GFPT2: variants seen among roughly 807,000 people sequenced by gnomAD.
The protein encoded by GFPT2 is glutamine--fructose-6-phosphate aminotransferase [isomerizing] 2.
Under a neutral mutation model 85.6 loss-of-function variants are expected in GFPT2, and 62 were observed. That is an observed-to-expected ratio of 0.72 (90% CI 0.59 to 0.90). GFPT2 has a LOEUF of 0.90. GFPT2 is among the 40% of genes least tolerant of loss of function. The pLI is 0.00. For synonymous variants in GFPT2, 368 were observed against 344.5 expected (o/e 1.07, Z -0.75); for missense variants, 788 against 893.4 (o/e 0.88, Z 1.50).
chr5:180,304,026 C>T (rs1425350934), intron 17 of GFPT2, among the ~76,000 whole-genome samples: 12 of 152,042 alleles, frequency 7.9e-5, no homozygotes, highest in African/African-American at 2.9e-4. Flanking sequence ...ATCACATGGC[C>T]AATGGTTCAC....
At chr5:180,329,331 TGG>T (rs1764265649) in intron 6 of GFPT2, among the ~76,000 whole-genome samples, 4 of 152,204 alleles carry the variant, frequency 2.6e-5, no homozygotes, top group Admixed American at 2.6e-4. Context: ...AGGCAGACCC[TGG>T]TGCTTTTGTC....
chr5:180,325,510 A>G (rs1180142385), intron 7 of GFPT2, among the ~76,000 whole-genome samples: 3 of 152,214 alleles, frequency 2.0e-5, no homozygotes, highest in Non-Finnish European at 2.9e-5. Flanking sequence ...ACCCCGCACC[A>G]GGTAGACTTC....
chr5:180,317,736 G>T (rs1764041716), intron 10 of GFPT2, among the ~76,000 whole-genome samples: 1 of 103,682 alleles, frequency 9.6e-6, no homozygotes, highest in Non-Finnish European at 2.0e-5. Flanking sequence ...TCCAGCCTGG[G>T]CGACAGAGCA....
intron 1 of GFPT2, among the ~76,000 whole-genome samples, chr5:180,350,285 AAG>A (rs1349340299): frequency 6.6e-6 from 1 of 152,200 alleles, no homozygotes; most frequent in African/African-American, 2.4e-5. Context: ...AGATTTTGTC[AAG>A]AGAAGCCAAA....
In GFPT2 at chr5:180,323,972, G is replaced by C. The variant is rs1764165981; in HGVS notation, c.794+216C>G. 6.6e-6 allele frequency among the ~76,000 whole-genome samples: 1 copy of C among 152,224 alleles called. No individual in the cohort carries two copies. The highest frequency in any genetic ancestry group is 1.5e-5 in the Non-Finnish European group (1 of 68,038). ...AGCACTGTGCCCACCAGTGCATCTG[G>C]CCTTTGGCCACCAGGGCTGCCTACC... On this transcript the variant is annotated intron_variant, in intron 9 of 18. Transcript: ENST00000253778. This position sits in a 1 kb window ranked among gnomAD's most constrained non-coding sequence, Gnocchi z 4.0.
chr5:180,315,284 T>G (rs1763983459), intron 13 of GFPT2, among the ~76,000 whole-genome samples: 4 of 152,012 alleles, frequency 2.6e-5, no homozygotes. Context: ...TTCACGCCAT[T>G]CTCCTGCCTC....
At position 180,353,245 on chromosome 5, in the gene GFPT2, G is replaced by A. The variant is rs1764752769; in HGVS notation, c.-28C>T. On this transcript the variant is annotated 5_prime_UTR_variant, in exon 1 of 19. Transcript: ENST00000253778. ...TGGCTGCTTCTCGGGCTCCTTCGCG[G>A]CTCGAGGGGGTCTGCCCGTTCGGAC... The A allele has an allele frequency of 2.4e-6, 3 of 1,240,830 alleles. No individual in the cohort carries two copies. The highest frequency in any genetic ancestry group is 3.0e-6 in the Non-Finnish European group (3 of 988,272). 76.9% of individuals were successfully genotyped at this position (1,240,830 alleles called of 1,614,324 possible). A position where few individuals can be genotyped will look rare whatever the true frequency, so the allele number is the denominator to read the frequency against.
In GFPT2 at chr5:180,318,697, G is replaced by T. The variant is rs796467092; in HGVS notation, c.958+96C>A. The T allele has an allele frequency of 1.5e-4, 158 of 1,044,640 alleles. 1 individual carries two copies. In the African/African-American group the frequency reaches 2.2e-3, roughly 14 times the overall value. 64.7% of individuals were successfully genotyped at this position (1,044,640 alleles called of 1,614,324 possible). On this transcript the variant is annotated intron_variant, in intron 10 of 18. Coordinates refer to ENST00000253778, the MANE Select transcript of GFPT2 (RefSeq NM_005110.4). This position sits in a 1 kb window ranked among gnomAD's most constrained non-coding sequence, Gnocchi z 4.2. ...CCTGGTGGCCACAGAGGGCAGGAGG[G>T]CTGTGGCCTCTACTAGGACCAGGCA... is the stretch of plus-strand genomic sequence containing the variant.
rs1764159641 is a variant in GFPT2, at chr5:180,323,475, G to C, written c.794+713C>G. Among the ~76,000 whole-genome samples, 1 of 152,186 alleles carries C rather than the reference G, an allele frequency of 6.6e-6. No homozygotes were observed. Among genetic ancestry groups the C allele is most frequent in the South Asian group, 2.1e-4 (1 of 4,834 alleles). On this transcript the variant is annotated intron_variant, in intron 9 of 18. Transcript: ENST00000253778. The surrounding 1 kb of genome is among the most constrained non-coding windows in gnomAD (Gnocchi z 4.0). ...CTTTGGGTCTTTGAAGAAGGTACCA[G>C]AGGTGATTACAGCAGTTTTCTACTT...
At chr5:180,345,952 CACAGAGGCTT>C (rs1764599574) in intron 1 of GFPT2, among the ~76,000 whole-genome samples, 1 of 152,122 alleles carries the variant, frequency 6.6e-6, no homozygotes, top group African/African-American at 2.4e-5. Context: ...GATAATCAAA[CACAGAGGCTT>C]ACATCCCCCC....
In GFPT2 at chr5:180,328,111, C is replaced by T. The variant is rs1302729811; in HGVS notation, c.596+166G>A. On this transcript the variant is annotated intron_variant, in intron 7 of 18. Coordinates refer to ENST00000253778, the MANE Select transcript of GFPT2 (RefSeq NM_005110.4). This position sits in a 1 kb window ranked among gnomAD's most constrained non-coding sequence, Gnocchi z 5.4. ...TAATTCAGAAGTGTAGCACCACCAG[C>T]CATGGAGATGGTGGGGCGCGGTCCC... Among the ~76,000 whole-genome samples, 1 of 151,808 alleles carries T rather than the reference C, an allele frequency of 6.6e-6. No individual in the cohort carries two copies. Among genetic ancestry groups the T allele is most frequent in the Admixed American group, 6.6e-5 (1 of 15,250 alleles).
At position 180,302,548 on chromosome 5, in the gene GFPT2, C is replaced by T. The variant is rs1224768050; in HGVS notation, c.1879G>A (p.Glu627Lys). ...PIILCSKDDTESSKFAYKTIE... is the reference protein window; with the variant it reads ...PIILCSKDDTKSSKFAYKTIE... ...GTCTTATACGCAAACTTGGAACTTT[C>T]AGTATCGTCCTTGGAGCACAGTATA... The change falls in exon 18 of 19, where the codon GAA (glutamate) becomes AAA (lysine). Residue 627 changes from glutamate to lysine, a missense_variant. Physicochemically the swap from Glu to Lys is moderately conservative, Grantham distance 56. Coordinates refer to ENST00000253778, the MANE Select transcript of GFPT2 (RefSeq NM_005110.4). 2 of 1,613,856 alleles carry T rather than the reference C, an allele frequency of 1.2e-6. No individual in the cohort carries two copies. The highest frequency in any genetic ancestry group is 1.7e-6 in the Non-Finnish European group (2 of 1,179,886).
intron 1 of GFPT2, among the ~76,000 whole-genome samples, chr5:180,346,703 C>T (rs1561885352): frequency 6.6e-6 from 1 of 152,216 alleles, no homozygotes; most frequent in Non-Finnish European, 1.5e-5. Flanking sequence ...ACATGTGATG[C>T]CTTCTCCAAC....
chr5:180,324,566 A>G, intron 8 of GFPT2: 1 of 588,276 alleles, frequency 1.7e-6, no homozygotes, highest in Non-Finnish European at 3.0e-6. Flanking sequence ...GCCGTTATAC[A>G]ATGGCACTTT....
chr5:180,334,122 G>A (rs922098617), intron 4 of GFPT2, among the ~76,000 whole-genome samples: 4 of 152,204 alleles, frequency 2.6e-5, no homozygotes, highest in African/African-American at 9.6e-5. Flanking sequence ...CCTCAGTCAC[G>A]AAATGCCCTA....
intron 12 of GFPT2, 102 bp from the exon 13 acceptor site, chr5:180,316,563 C>G (rs1232476980): frequency 1.5e-6 from 2 of 1,341,896 alleles, no homozygotes; most frequent in Non-Finnish European, 2.1e-6. Context: ...CGGAACCTCA[C>G]TGTCCAGGTG....
Position 180,318,171 on chromosome 5 carries a change from T to C in GFPT2, c.958+622A>G, listed in dbSNP as rs977109364. On this transcript the variant is annotated intron_variant, in intron 10 of 18. Coordinates refer to ENST00000253778, the MANE Select transcript of GFPT2 (RefSeq NM_005110.4). The surrounding 1 kb of genome is among the most constrained non-coding windows in gnomAD (Gnocchi z 4.2). ...AGAAGAACAGCGAATGCAGGGGCTG[T>C]GGCGGGGCACAGTGGGACAGAGGGT... 1.1e-4 allele frequency among the ~76,000 whole-genome samples: 17 copies of C among 151,938 alleles called. No homozygotes were observed. Among genetic ancestry groups the C allele is most frequent in the African/African-American group, 3.9e-4 (16 of 41,364 alleles).
intron 16 of GFPT2, among the ~76,000 whole-genome samples, chr5:180,305,636 G>A (rs775829620): frequency 2.6e-5 from 4 of 152,206 alleles, no homozygotes; most frequent in Non-Finnish European, 2.9e-5. Flanking sequence ...CCATGGGCTC[G>A]TGCCAGCAGC....
intron 9 of GFPT2, among the ~76,000 whole-genome samples, chr5:180,322,626 G>A (rs1335572735): frequency 6.6e-6 from 1 of 152,180 alleles, no homozygotes; most frequent in East Asian, 1.9e-4. Flanking sequence ...TTTACTCCCA[G>A]CTGCTAGTAC....
Sources: gnomAD v4.1 joint callset for allele counts (sites outside exome capture counted in the v4.1 genomes callset) on GRCh38, gnomAD v4.1.1 for gene constraint, Gnocchi (gnomAD v3.1) non-coding constraint, MANE v1.5 for transcripts, NCBI Gene and HGNC (gene_info 2026-07-23, HGNC 2026-07-21) for gene names.